Variants in ZNF488 observed in about 807,000 individuals in gnomAD.
ZNF488 encodes zinc finger protein 488.
Under a neutral mutation model 1.2 loss-of-function variants are expected in ZNF488, and 1 was observed. The observed-to-expected ratio is 0.86, with a 90% CI of 0.30 to 4.07. The LOEUF (loss-of-function observed/expected upper bound fraction) is 4.07. ZNF488 is among the 30% of genes most tolerant of loss of function. The probability of loss-of-function intolerance (pLI) is 0.18; values close to 1 mark genes in which losing one functional copy is unlikely to be tolerated. For missense variants in ZNF488, 450 were observed against 437.9 expected, an observed-to-expected ratio of 1.03 and a Z score of -0.25; for synonymous variants, 185 against 190.1, an observed-to-expected ratio of 0.97 and a Z score of 0.22.
chr10:47,382,569 C>G (rs1438395444), intron 1 of ZNF488, among the ~76,000 whole-genome samples: 1 of 152,062 alleles, frequency 6.6e-6, no homozygotes, highest in Non-Finnish European at 1.5e-5. Context: ...ATCCCTCCCC[C>G]CAGAATCCGC....
At chr10:47,381,727 T>C (rs1837967802) in intron 1 of ZNF488, among the ~76,000 whole-genome samples, 1 of 149,454 alleles carries the variant, frequency 6.7e-6, no homozygotes, top group Non-Finnish European at 1.5e-5. Flanking sequence ...ACGTCGACCC[T>C]CATAGGGGTG....
At chr10:47,371,273 G>T (rs1019379476) in intron 1 of ZNF488, among the ~76,000 whole-genome samples, 2 of 152,010 alleles carry the variant, frequency 1.3e-5, no homozygotes, top group Non-Finnish European at 2.9e-5. Flanking sequence ...TTTAAGTGTG[G>T]CTATAAAGAC....
intron 1 of ZNF488, among the ~76,000 whole-genome samples, chr10:47,372,758 A>T (rs1266661977): frequency 1.3e-5 from 2 of 152,204 alleles, no homozygotes; most frequent in Non-Finnish European, 2.9e-5. Flanking sequence ...AAAGAAAAAT[A>T]TCAAAGACAT....
rs782163909 is a variant in ZNF488 at position 47,368,549 on chromosome 10, C to T, written c.281G>A (p.Arg94His). 3.5e-5 allele frequency: 57 copies of T among 1,613,226 alleles called. No individual in the cohort carries two copies. The highest frequency in any genetic ancestry group is 4.2e-5 in the Non-Finnish European group (50 of 1,179,962). ...RPGKPLPPKTRGEQRQSAFTE... is the reference protein window; with the variant it reads ...RPGKPLPPKTHGEQRQSAFTE... ...GAAGGCGCTCTGCCTCTGCTCTCCACGTGTCTTCGGGGGCAGCGGCTTGCC... is the reference window on the plus strand; with the variant it reads ...GAAGGCGCTCTGCCTCTGCTCTCCATGTGTCTTCGGGGGCAGCGGCTTGCC... Residue 94 changes from arginine (R) to histidine (H), a missense_variant, in exon 2 of 2, where the codon CGT becomes CAT. By Grantham distance (29) the Arg-to-His change is conservative. Transcript: ENST00000585316.
At position 47,367,404 on chromosome 10, in the gene ZNF488, C is replaced by A. The variant is rs115728800; in HGVS notation, c.*403G>T. The A allele has an allele frequency of 0.017, 3,741 of 214,922 alleles. 137 individuals carry two copies. Among genetic ancestry groups the A allele is most frequent in the African/African-American group, 0.082 (3,496 of 42,714 alleles). The allele number at this position is 214,922 out of a possible 1,614,324, so 13.3% of individuals were successfully genotyped here. On this transcript the variant is annotated 3_prime_UTR_variant, in exon 2 of 2. Coordinates refer to ENST00000585316, the MANE Select transcript of ZNF488 (RefSeq NM_153034.4). ...GTGACCTGAATGCCAACCTAAGACA[C>A]AGTGTTATCATCTCCATTTCACAGA...
At chr10:47,383,613 T>A (rs1838067634) in intron 1 of ZNF488, among the ~76,000 whole-genome samples, 1 of 152,246 alleles carries the variant, frequency 6.6e-6, no homozygotes, top group Non-Finnish European at 1.5e-5. Flanking sequence ...TAAAAACTCA[T>A]TATAATGTGA....
At chr10:47,370,520 G>T (rs1489929137) in intron 1 of ZNF488, among the ~76,000 whole-genome samples, 1 of 152,228 alleles carries the variant, frequency 6.6e-6, no homozygotes, top group East Asian at 1.9e-4. Context: ...CTGGAACTCT[G>T]AAAGTACTCT....
At chr10:47,381,224 C>T (rs1837937065) in intron 1 of ZNF488, among the ~76,000 whole-genome samples, 1 of 152,296 alleles carries the variant, frequency 6.6e-6, no homozygotes, top group Non-Finnish European at 1.5e-5. Flanking sequence ...TTCAGAGACA[C>T]CATGTACCCC....
rs1237674542 is a variant in ZNF488, at chr10:47,368,329, G to C, written c.501C>G (p.Thr167=). The C allele has an allele frequency of 1.2e-6, 2 of 1,614,110 alleles. No homozygotes were observed. Among genetic ancestry groups the C allele is most frequent in the African/African-American group, 1.3e-5 (1 of 74,944 alleles). Residue 167 remains threonine (T), a synonymous_variant, in exon 2 of 2, where the codon ACC becomes ACG. Coordinates refer to ENST00000585316, the MANE Select transcript of ZNF488 (RefSeq NM_153034.4). ...SEQRSAFSKP[T]KRPAERPELT... ...GCTCAGGCCTCTCTGCTGGTCGCTTGGTTGGTTTGCTAAAGGCGCTTCTTT... is the reference window on the plus strand; with the variant it reads ...GCTCAGGCCTCTCTGCTGGTCGCTTCGTTGGTTTGCTAAAGGCGCTTCTTT...
At chr10:47,372,791 AT>A (rs1555214021) in intron 1 of ZNF488, among the ~76,000 whole-genome samples, 4 of 152,202 alleles carry the variant, frequency 2.6e-5, no homozygotes, top group African/African-American at 9.6e-5. Flanking sequence ...GACCTCGCCC[AT>A]GGGATGCCTG....
At chr10:47,379,049 C>T (rs1425103768) in intron 1 of ZNF488, among the ~76,000 whole-genome samples, 2 of 152,226 alleles carry the variant, frequency 1.3e-5, no homozygotes, top group Admixed American at 1.3e-4. Context: ...AGCTGTCTCT[C>T]CAGGCCATCC....
At chr10:47,380,377 A>G (rs1837885870) in intron 1 of ZNF488, among the ~76,000 whole-genome samples, 1 of 151,504 alleles carries the variant, frequency 6.6e-6, no homozygotes, top group Non-Finnish European at 1.5e-5. Context: ...CGTGAATCAC[A>G]GAAATCAAGT....
At chr10:47,380,754 G>A (rs1475274121) in intron 1 of ZNF488, among the ~76,000 whole-genome samples, 2 of 17,344 alleles carry the variant, frequency 1.2e-4, no homozygotes, top group African/African-American at 5.5e-4. Flanking sequence ...GGGCTCCACG[G>A]TTGGAGGCCA....
At chr10:47,382,848 C>A (rs1477247063) in intron 1 of ZNF488, among the ~76,000 whole-genome samples, 2 of 152,148 alleles carry the variant, frequency 1.3e-5, no homozygotes, top group Admixed American at 1.3e-4. Context: ...TAATAAACTA[C>A]AATATCATGT....
chr10:47,368,401 A>C lies in ZNF488; in HGVS notation c.429T>G (p.Ala143=), dbSNP rs141367642. ...GCCACACAGAGAAGACTTTGCTGCC[A>C]GCTGGGCCTCTGGGGATGTTCTGGG... ...QLTQNIPRGP[A]GSKVFSVWPS... is the part of the protein sequence containing the mutation. Residue 143 remains alanine, a synonymous_variant, in exon 2 of 2, where the codon GCT becomes GCG. Transcript: ENST00000585316. 15 of 1,614,046 alleles carry C rather than the reference A, an allele frequency of 9.3e-6. No individual in the cohort carries two copies. In the African/African-American group the frequency reaches 1.7e-4, roughly 19 times the overall value.
rs933481580 is a variant in ZNF488, at chr10:47,368,931, C to T, written c.-102G>A. 4.4e-6 allele frequency: 6 copies of T among 1,378,422 alleles called. No individual in the cohort carries two copies. In the African/African-American group the frequency reaches 8.7e-5, roughly 20 times the overall value. 85.4% of individuals were successfully genotyped at this position (1,378,422 alleles called of 1,614,324 possible). A position where few individuals can be genotyped will look rare whatever the true frequency, so the allele number is the denominator to read the frequency against. On this transcript the variant is annotated 5_prime_UTR_variant, in exon 2 of 2. The change creates a new upstream start codon in the 5' untranslated region. Transcript: ENST00000585316. ...ACACTGGGCTGGACACACTCGGCCA[C>T]AGGGCCCTGCAGAGAGAGGAAGCGA...
In ZNF488 at chr10:47,367,892, C is replaced by G. The variant is rs561761101; in HGVS notation, c.938G>C (p.Arg313Thr). 6.2e-7 allele frequency: 1 copy of G among 1,614,074 alleles called. No homozygotes were observed. The highest frequency in any genetic ancestry group is 1.1e-5 in the South Asian group (1 of 91,084). Residue 313 changes from arginine to threonine, a missense_variant, in exon 2 of 2, where the codon AGA (arginine) becomes ACA (threonine). Coordinates refer to ENST00000585316, the MANE Select transcript of ZNF488 (RefSeq NM_153034.4). ...AGPDPHSQKR[R>T]EEALACPVCQ... ...CACAGGGCAGGCAAGGGCCTCTTCTCTCCGCTTCTGAGAATGTGGGTCAGG... is the reference window on the plus strand; with the variant it reads ...CACAGGGCAGGCAAGGGCCTCTTCTGTCCGCTTCTGAGAATGTGGGTCAGG...
chr10:47,376,812 G>A (rs1239561944), intron 1 of ZNF488, among the ~76,000 whole-genome samples: 1 of 152,244 alleles, frequency 6.6e-6, no homozygotes, highest in African/African-American at 2.4e-5. Flanking sequence ...TGAAATTATA[G>A]ATGTCCTCCA....
intron 1 of ZNF488, among the ~76,000 whole-genome samples, chr10:47,381,967 C>G (rs1342827793): frequency 8.6e-6 from 1 of 115,628 alleles, no homozygotes; most frequent in Admixed American, 8.7e-5. Flanking sequence ...GTTATATTTG[C>G]CAGGGCTGCA....
Sources: gnomAD v4.1 joint callset for allele counts (sites outside exome capture counted in the v4.1 genomes callset) on GRCh38, gnomAD v4.1.1 for gene constraint, MANE v1.5 for transcripts, NCBI Gene and HGNC (gene_info 2026-07-23, HGNC 2026-07-21) for gene names.